MTRF1: variants seen among roughly 807,000 people sequenced by gnomAD.
MTRF1 encodes the protein mitochondrial translation release factor 1, also known as peptide chain release factor 1, mitochondrial.
Under a neutral mutation model 62.9 loss-of-function variants are expected in MTRF1, and 51 were observed. The observed-to-expected ratio is 0.81, with a 90% confidence interval of 0.65 to 1.02. MTRF1 has a LOEUF of 1.02. MTRF1 is among the 50% of genes least tolerant of loss of function. The pLI is 0.00. For synonymous variants in MTRF1, 158 were observed against 181.9 expected (o/e 0.87, Z 1.06); for missense variants, 446 against 530.0 (o/e 0.84, Z 1.56).
the MTRF1 span, among the ~76,000 whole-genome samples, chr13:41,277,297 A>T: frequency 6.6e-6 from 1 of 151,472 alleles, no homozygotes. Flanking sequence ...ACACCCAGCT[A>T]TTTTTTTTAT....
At position 41,240,441 on chromosome 13, in the gene MTRF1, A is replaced by G; in HGVS notation, c.698-8T>C. 1 of 1,609,442 alleles carries G rather than the reference A, an allele frequency of 6.2e-7. No individual in the cohort carries two copies. The highest frequency in any genetic ancestry group is 8.5e-7 in the Non-Finnish European group (1 of 1,177,826). ...CTGCATGATGTAGTCCACCTAGGGG[A>G]ACAACAATCCAGAAATAGTAATGAA... is the stretch of plus-strand genomic sequence containing the variant. On this transcript the variant is annotated splice_polypyrimidine_tract_variant and splice_region_variant and intron_variant, in intron 5 of 9. Transcript: ENST00000379480.
the MTRF1 span, among the ~76,000 whole-genome samples, chr13:41,284,054 A>G: frequency 2.3e-5 from 3 of 131,786 alleles, no homozygotes; most frequent in African/African-American, 7.6e-5. Flanking sequence ...GTTCAAACAC[A>G]CTAACTTTTC....
chr13:41,217,953 A>G (rs928269693), intron 9 of MTRF1, among the ~76,000 whole-genome samples: 2 of 152,206 alleles, frequency 1.3e-5, no homozygotes, highest in African/African-American at 2.4e-5. Flanking sequence ...TTGTTGAAAT[A>G]TTTAGGGGTG....
chr13:41,311,757 C>CT, the MTRF1 span, among the ~76,000 whole-genome samples: 3 of 152,216 alleles, frequency 2.0e-5, no homozygotes, highest in African/African-American at 7.2e-5. Context: ...CCCACGGGGG[C>CT]TGCCGAGCCG....
Position 41,223,261 on chromosome 13 carries a change from T to C in MTRF1, c.1219A>G (p.Ile407Val), listed in dbSNP as rs9315812. The C allele has an allele frequency of 3.8e-3, 6,073 of 1,609,168 alleles. 192 individuals are homozygous for C. In the African/African-American group the frequency reaches 0.068, roughly 18 times the overall value. Residue 407 changes from isoleucine (I) to valine (V), a missense_variant, in exon 9 of 10, where the codon ATT becomes GTT. Transcript: ENST00000379480. ...AGCATACTCAGTAGTATTACCTTAATATCACGAACTTCATATGCTATCCTG... is the reference window on the plus strand; with the variant it reads ...AGCATACTCAGTAGTATTACCTTAACATCACGAACTTCATATGCTATCCTG... ...DHRIAYEVRD[I>V]KEFLCGGKGL...
At chr13:41,291,079 A>G in the MTRF1 span, among the ~76,000 whole-genome samples, 3 of 139,364 alleles carry the variant, frequency 2.2e-5, no homozygotes, top group Admixed American at 7.5e-5. Context: ...CTGGGCAACA[A>G]GAGCAAAACT....
the MTRF1 span, among the ~76,000 whole-genome samples, chr13:41,294,416 C>CAAAA: frequency 1.4e-4 from 11 of 79,346 alleles, no homozygotes; most frequent in East Asian, 4.6e-4. Flanking sequence ...GACTCCATCT[C>CAAAA]AAAAAAAAAA....
At chr13:41,259,929 G>A (rs969114878) in intron 2 of MTRF1, among the ~76,000 whole-genome samples, 3 of 152,060 alleles carry the variant, frequency 2.0e-5, no homozygotes, top group African/African-American at 7.2e-5. Flanking sequence ...CCCACTGATG[G>A]GGTAGGAACT....
Position 41,254,394 on chromosome 13 carries a change from C to A in MTRF1, c.507+135G>T, listed in dbSNP as rs1593996234. On this transcript the variant is annotated intron_variant, in intron 3 of 9. Transcript: ENST00000379480. ...TCATTCTGCAGCAAATTACAGGAGA[C>A]CAGCTTGATCACTTATCATAAGAGA... The A allele has an allele frequency of 3.5e-5, 16 of 460,018 alleles. No homozygotes were observed. In the East Asian group the frequency reaches 5.6e-4, roughly 16 times the overall value. 28.5% of individuals were successfully genotyped at this position (460,018 alleles called of 1,614,324 possible).
the MTRF1 span, among the ~76,000 whole-genome samples, chr13:41,273,265 G>A: frequency 2.0e-5 from 3 of 151,838 alleles, no homozygotes; most frequent in East Asian, 1.9e-4. Flanking sequence ...GGCGGAGGTT[G>A]CAGTGAGCCG....
chr13:41,220,643 C>A, intron 9 of MTRF1: 5 of 1,262,038 alleles, frequency 4.0e-6, no homozygotes, highest in Non-Finnish European at 5.2e-6. Context: ...TGAGACTGAG[C>A]CTTGGGAATA....
chr13:41,251,619 C>T, intron 5 of MTRF1, among the ~76,000 whole-genome samples: 1 of 152,138 alleles, frequency 6.6e-6, no homozygotes, highest in East Asian at 1.9e-4. Flanking sequence ...GAAATCTGTA[C>T]CAGGTACAAC....
the MTRF1 span, among the ~76,000 whole-genome samples, chr13:41,274,480 A>G: frequency 3.3e-5 from 5 of 152,114 alleles, no homozygotes; most frequent in African/African-American, 1.2e-4. Flanking sequence ...TAAATCAGAA[A>G]ACCGGTAGAT....
intron 1 of MTRF1, 134 bp from the exon 2 acceptor site, chr13:41,261,049 G>A: frequency 1.1e-6 from 1 of 896,444 alleles, no homozygotes. Flanking sequence ...AAATTCAACT[G>A]CCGGCTGGCA....
At chr13:41,222,346 A>C (rs1372313606) in intron 9 of MTRF1, among the ~76,000 whole-genome samples, 1 of 152,230 alleles carries the variant, frequency 6.6e-6, no homozygotes, top group Non-Finnish European at 1.5e-5. Flanking sequence ...ATCTTGACCG[A>C]GTCTTTTCCC....
At chr13:41,293,863 A>C in the MTRF1 span, among the ~76,000 whole-genome samples, 1 of 152,190 alleles carries the variant, frequency 6.6e-6, no homozygotes, top group Non-Finnish European at 1.5e-5. Context: ...AAATTTTAAA[A>C]TTGTGTTATA....
intron 9 of MTRF1, chr13:41,220,740 T>C: frequency 1.0e-5 from 5 of 495,186 alleles, no homozygotes; most frequent in South Asian, 8.3e-5. Context: ...CATTCTCTTC[T>C]CACTGAAGAT....
intron 5 of MTRF1, among the ~76,000 whole-genome samples, chr13:41,249,294 T>C (rs112632956): frequency 0.032 from 4,821 of 152,162 alleles, 250 homozygotes; most frequent in African/African-American, 0.11. Flanking sequence ...GTAATCCCAG[T>C]ACTTTGGGAG....
chr13:41,304,651 C>T, the MTRF1 span, among the ~76,000 whole-genome samples: 5 of 152,262 alleles, frequency 3.3e-5, no homozygotes, highest in Non-Finnish European at 2.9e-5. Flanking sequence ...TAGAAAGTAC[C>T]TACCCAGGTT....
Sources: allele counts gnomAD v4.1 joint callset (sites outside exome capture counted in the v4.1 genomes callset), GRCh38; gene constraint gnomAD v4.1.1; transcripts MANE v1.5; gene names NCBI Gene and HGNC (gene_info 2026-07-23, HGNC 2026-07-21).